The following BCAT1 variants were observed in gnomAD, a reference collection of about 807,000 sequenced individuals.
BCAT1 encodes branched-chain-amino-acid aminotransferase, cytosolic.
Under a neutral mutation model 52.4 loss-of-function variants are expected in BCAT1, and 48 were observed. That is an observed-to-expected ratio of 0.92 (90% confidence interval 0.73 to 1.16). The LOEUF is 1.16. Ranked by LOEUF, BCAT1 falls within the 50% of genes most tolerant of loss-of-function variation. The pLI is 0.00. For synonymous variants in BCAT1, 167 were observed against 161.3 expected, an observed-to-expected ratio of 1.04 and a Z score of -0.27; for missense variants, 451 against 457.1, an observed-to-expected ratio of 0.99 and a Z score of 0.12.
intron 6 of BCAT1, among the ~76,000 whole-genome samples, chr12:24,842,814 T>C (rs528697658): frequency 5.8e-4 from 89 of 152,284 alleles, no homozygotes; most frequent in Non-Finnish European, 1.1e-3. Context: ...CAAAAGCCTA[T>C]TTTTCTCAGC....
chr12:24,937,259 C>G (rs1469562174), intron 1 of BCAT1, among the ~76,000 whole-genome samples: 2 of 152,122 alleles, frequency 1.3e-5, no homozygotes, highest in Non-Finnish European at 2.9e-5. Flanking sequence ...TGATAAGGCA[C>G]CCCTGGATGG....
intron 10 of BCAT1, among the ~76,000 whole-genome samples, chr12:24,819,881 T>C (rs1248306415): frequency 6.6e-6 from 1 of 152,220 alleles, no homozygotes; most frequent in Non-Finnish European, 1.5e-5. Flanking sequence ...TGTTGCTTCA[T>C]GATGAATGCT....
intron 1 of BCAT1, among the ~76,000 whole-genome samples, chr12:24,941,181 T>G (rs1943842226): frequency 6.6e-6 from 1 of 152,204 alleles, no homozygotes; most frequent in Non-Finnish European, 1.5e-5. Flanking sequence ...CAGTTTATAT[T>G]CCTATGTAGC....
At chr12:24,820,821 C>T (rs1229614223) in intron 10 of BCAT1, among the ~76,000 whole-genome samples, 1 of 69,238 alleles carries the variant, frequency 1.4e-5, no homozygotes, top group Non-Finnish European at 3.0e-5. Flanking sequence ...CAGATAATTT[C>T]ATACGGCTTT....
chr12:24,844,112 T>G lies in BCAT1; in HGVS notation c.675-1888A>C, dbSNP rs1253097168. ...TTGCTTTAGCCCCTAGCATCCTAGTTTCATAAGCCCTTGTCTGCTTAAGAT... is the reference window on the plus strand; with the variant it reads ...TTGCTTTAGCCCCTAGCATCCTAGTGTCATAAGCCCTTGTCTGCTTAAGAT... On this transcript the variant is annotated intron_variant, in intron 6 of 10. Coordinates refer to ENST00000261192, the MANE Select transcript of BCAT1 (RefSeq NM_005504.7). Among the ~76,000 whole-genome samples the G allele has an allele frequency of 2.0e-5, 3 of 152,276 alleles. No homozygotes were observed. In the East Asian group the frequency reaches 5.8e-4, roughly 29 times the overall value.
At chr12:24,833,818 CTTTCTTT>C in intron 8 of BCAT1, 1 of 145,934 alleles carries the variant, frequency 6.9e-6, no homozygotes, top group East Asian at 2.0e-4. Context: ...ACGTTTGTCT[CTTTCTTT>C]TTTTTTTTTT....
At chr12:24,850,673 A>T (rs1384013519) in intron 5 of BCAT1, among the ~76,000 whole-genome samples, 1 of 152,154 alleles carries the variant, frequency 6.6e-6, no homozygotes, top group Non-Finnish European at 1.5e-5. Context: ...AACTGTTCAA[A>T]CCATGTTCAA....
chr12:24,932,883 C>A (rs1316539380), intron 1 of BCAT1, among the ~76,000 whole-genome samples: 24 of 152,166 alleles, frequency 1.6e-4, no homozygotes, highest in Admixed American at 1.6e-3. Flanking sequence ...GCAACCTCGG[C>A]TCACTGCAAC....
At chr12:24,941,653 A>G (rs904875782) in intron 1 of BCAT1, among the ~76,000 whole-genome samples, 3 of 152,238 alleles carry the variant, frequency 2.0e-5, no homozygotes, top group African/African-American at 7.2e-5. Context: ...CATATGATCA[A>G]TATCTTTTTG....
chr12:24,819,473 T>C (rs940243405), intron 10 of BCAT1, among the ~76,000 whole-genome samples: 1 of 152,164 alleles, frequency 6.6e-6, no homozygotes, highest in Non-Finnish European at 1.5e-5. Context: ...TTTTATCCAT[T>C]TTGTATATTG....
At chr12:24,889,450 C>A (rs1942775229) in intron 3 of BCAT1, among the ~76,000 whole-genome samples, 5 of 152,228 alleles carry the variant, frequency 3.3e-5, no homozygotes, top group Admixed American at 3.3e-4. Flanking sequence ...TCTTCCAGAA[C>A]CCTGACCTTC....
At chr12:24,888,273 C>T (rs909969502) in intron 3 of BCAT1, among the ~76,000 whole-genome samples, 3 of 152,056 alleles carry the variant, frequency 2.0e-5, no homozygotes, top group Non-Finnish European at 2.9e-5. Flanking sequence ...CTGAGGCAGG[C>T]GGATCACTTG....
rs1425287111 is a variant in BCAT1, at chr12:24,873,300, CTG to C, written c.510+5228_510+5229del. On this transcript the variant is annotated intron_variant, in intron 5 of 10. Transcript: ENST00000261192. ...CAGCAGTAGTTTAGAGCCCTCCAGA[CTG>C]TAGTTTCTCTTTTAGATTTAACAAC... Among the ~76,000 whole-genome samples, 9 of 152,342 alleles carry C rather than the reference CTG, an allele frequency of 5.9e-5. No individual in the cohort carries two copies. In the East Asian group the frequency reaches 1.7e-3, roughly 29 times the overall value.
chr12:24,908,907 G>A (rs1451769723), intron 1 of BCAT1, among the ~76,000 whole-genome samples: 1 of 152,038 alleles, frequency 6.6e-6, no homozygotes, highest in Non-Finnish European at 1.5e-5. Context: ...AACCTCTTTT[G>A]AGTCTCATAT....
Position 24,816,194 on chromosome 12 carries a change from T to C in BCAT1, c.*1814A>G. ...CTATAAAAGACCCTATGGCTAAAAGTTTTGGAAAAGAATCAAAGCCCATTT... is the reference window on the plus strand; with the variant it reads ...CTATAAAAGACCCTATGGCTAAAAGCTTTGGAAAAGAATCAAAGCCCATTT... On this transcript the variant is annotated 3_prime_UTR_variant, in exon 11 of 11. Coordinates refer to ENST00000261192, the MANE Select transcript of BCAT1 (RefSeq NM_005504.7). 3.8e-6 allele frequency: 1 copy of C among 263,038 alleles called. No homozygotes were observed. The highest frequency in any genetic ancestry group is 7.1e-6 in the Non-Finnish European group (1 of 141,348). The allele number at this position is 263,038 out of a possible 1,614,324, so 16.3% of individuals were successfully genotyped here.
At chr12:24,913,792 G>A (rs913103759) in intron 1 of BCAT1, among the ~76,000 whole-genome samples, 9 of 152,242 alleles carry the variant, frequency 5.9e-5, no homozygotes, top group Non-Finnish European at 1.2e-4. Flanking sequence ...TTCCTTCTGG[G>A]TGTGGTGCTG....
At chr12:24,847,826 G>A (rs542725541) in intron 6 of BCAT1, among the ~76,000 whole-genome samples, 1 of 152,324 alleles carries the variant, frequency 6.6e-6, no homozygotes, top group African/African-American at 2.4e-5. Flanking sequence ...AGACTCAATA[G>A]TTATTTAATA....
chr12:24,829,911 G>A lies in BCAT1; in HGVS notation c.1045-14C>T. ...AATGTGTATTGTCTACAAAAGAAAGGGAAATGAGATAATTTGAGGGTACTC... is the reference window on the plus strand; with the variant it reads ...AATGTGTATTGTCTACAAAAGAAAGAGAAATGAGATAATTTGAGGGTACTC... On this transcript the variant is annotated splice_polypyrimidine_tract_variant and intron_variant, in intron 9 of 10. Coordinates refer to ENST00000261192, the MANE Select transcript of BCAT1 (RefSeq NM_005504.7). 1 of 1,584,412 alleles carries A rather than the reference G, an allele frequency of 6.3e-7. No homozygotes were observed. The highest frequency in any genetic ancestry group is 8.6e-7 in the Non-Finnish European group (1 of 1,160,216).
At chr12:24,903,031 C>T (rs1943158377) in intron 1 of BCAT1, 4 of 1,405,862 alleles carry the variant, frequency 2.8e-6, no homozygotes, top group Admixed American at 3.1e-5. Flanking sequence ...GCGGCAGTGG[C>T]ACGGAGCGCG....
Sources: allele counts gnomAD v4.1 joint callset (sites outside exome capture counted in the v4.1 genomes callset), GRCh38; gene constraint gnomAD v4.1.1; transcripts MANE v1.5; gene names NCBI Gene and HGNC (gene_info 2026-07-23, HGNC 2026-07-21).